TBC1D30: variants seen among roughly 807,000 people sequenced by gnomAD.
TBC1D30 encodes TBC1 domain family, member 30.
TBC1D30 carries 31 observed loss-of-function variants against 63.2 expected under a neutral mutation model. That is an observed-to-expected ratio of 0.49 (90% CI 0.37 to 0.66). The LOEUF is 0.66. Ranked by LOEUF, TBC1D30 falls within the 30% of genes least tolerant of loss-of-function variation. TBC1D30 has a pLI of 0.00. For missense variants in TBC1D30, 810 were observed against 953.6 expected (o/e 0.85, Z 1.98); for synonymous variants, 307 against 361.5 (o/e 0.85, Z 1.71).
chr12:64,867,846 C>T (rs1308078986), intron 10 of TBC1D30: 1 of 152,178 alleles, frequency 6.6e-6, no homozygotes. Context: ...GAGATAACTT[C>T]CACCTACCCG....
At chr12:64,767,826 A>T (rs937030717) in intron 1 of TBC1D30, among the ~76,000 whole-genome samples, 1 of 148,900 alleles carries the variant, frequency 6.7e-6, no homozygotes, top group Non-Finnish European at 1.5e-5. Flanking sequence ...GCTCTATGAA[A>T]ATTTAGAAAC....
chr12:64,872,186 C>T (rs567881524), intron 11 of TBC1D30, among the ~76,000 whole-genome samples: 1 of 152,264 alleles, frequency 6.6e-6, no homozygotes, highest in Admixed American at 6.5e-5. Context: ...CACCACCATG[C>T]CTGGCTGATT....
intron 2 of TBC1D30, among the ~76,000 whole-genome samples, chr12:64,801,311 A>T (rs1482735327): frequency 6.6e-6 from 1 of 152,162 alleles, no homozygotes; most frequent in Non-Finnish European, 1.5e-5. Context: ...AGGTTGGATC[A>T]AAGTTTGTGT....
At chr12:64,847,969 G>T (rs200709523) in intron 8 of TBC1D30, among the ~76,000 whole-genome samples, 1 of 149,914 alleles carries the variant, frequency 6.7e-6, no homozygotes, top group African/African-American at 2.5e-5. Flanking sequence ...GTCCAATGCC[G>T]AAAGTAGGGT....
chr12:64,781,652 C>T (rs1366546087), intron 1 of TBC1D30, among the ~76,000 whole-genome samples: 1 of 151,128 alleles, frequency 6.6e-6, no homozygotes, highest in Non-Finnish European at 1.5e-5. Flanking sequence ...ACCTAGAGGG[C>T]GCCGCCAGAA....
chr12:64,776,176 G>A (rs1438102970), upstream of TBC1D30, among the ~76,000 whole-genome samples: 2 of 152,018 alleles, frequency 1.3e-5, no homozygotes, highest in Non-Finnish European at 2.9e-5. Context: ...CAGATCTCAA[G>A]TTAACAACCT....
chr12:64,842,622 A>G (rs1490358281), intron 7 of TBC1D30, among the ~76,000 whole-genome samples: 1 of 152,258 alleles, frequency 6.6e-6, no homozygotes, highest in African/African-American at 2.4e-5. Context: ...ATATGCAGAT[A>G]CAGTTCTTGT....
chr12:64,793,753 C>T (rs1224446343), intron 2 of TBC1D30, among the ~76,000 whole-genome samples: 1 of 152,140 alleles, frequency 6.6e-6, no homozygotes, highest in African/African-American at 2.4e-5. Flanking sequence ...GAAAGATGGT[C>T]CGGCAGCAGG....
chr12:64,769,471 G>A (rs1430705636), intron 1 of TBC1D30, among the ~76,000 whole-genome samples: 8 of 151,444 alleles, frequency 5.3e-5, no homozygotes, highest in Non-Finnish European at 7.4e-5. Context: ...TCCACCTCCC[G>A]GATTCAAGCA....
chr12:64,869,769 T>C (rs1224596555), intron 10 of TBC1D30, among the ~76,000 whole-genome samples: 1 of 152,204 alleles, frequency 6.6e-6, no homozygotes, highest in Non-Finnish European at 1.5e-5. Flanking sequence ...ACAGAAATGA[T>C]TACAGTAAAA....
Position 64,879,552 on chromosome 12 carries a change from G to A in TBC1D30, c.*3764G>A, listed in dbSNP as rs1454398078. 6.6e-6 allele frequency: 1 copy of A among 152,190 alleles called. No individual in the cohort carries two copies. Among genetic ancestry groups the A allele is most frequent in the Non-Finnish European group, 1.5e-5 (1 of 68,024 alleles). The allele number at this position is 152,190 out of a possible 1,614,324, so 9.4% of individuals were successfully genotyped here. ...GCCTGCTTCTCTACATCCTGGAAGAGGCAGCAGTCTCTTTCCTTTTTTTTC... is the reference window on the plus strand; with the variant it reads ...GCCTGCTTCTCTACATCCTGGAAGAAGCAGCAGTCTCTTTCCTTTTTTTTC... On this transcript the variant is annotated 3_prime_UTR_variant, in exon 12 of 12. Transcript: ENST00000539867.
At chr12:64,873,572 C>T (rs1878821044) in intron 11 of TBC1D30, among the ~76,000 whole-genome samples, 1 of 151,906 alleles carries the variant, frequency 6.6e-6, no homozygotes, top group African/African-American at 2.4e-5. Context: ...TGTGAGGAGC[C>T]TGAGGAACAA....
At chr12:64,856,866 GCCA>G (rs1877347600) in intron 8 of TBC1D30, among the ~76,000 whole-genome samples, 2 of 152,216 alleles carry the variant, frequency 1.3e-5, no homozygotes, top group African/African-American at 4.8e-5. Flanking sequence ...TCTACCTGTG[GCCA>G]CCACCACCAC....
intron 2 of TBC1D30, among the ~76,000 whole-genome samples, chr12:64,815,514 T>G (rs1416842338): frequency 2.0e-5 from 3 of 152,212 alleles, no homozygotes; most frequent in Non-Finnish European, 4.4e-5. Flanking sequence ...AATTAAACTT[T>G]AAATTTATTG....
chr12:64,780,760 C>G, exon 1 of TBC1D30: 1 of 988,054 alleles, frequency 1.0e-6, no homozygotes, highest in Non-Finnish European at 1.2e-6. Flanking sequence ...TGGCCGGCGC[C>G]GCGAGGCGGG....
chr12:64,790,557 A>T (rs1350247159), intron 2 of TBC1D30, among the ~76,000 whole-genome samples: 2 of 152,214 alleles, frequency 1.3e-5, no homozygotes, highest in East Asian at 3.8e-4. Context: ...AAACTGAAAA[A>T]AAACATGAAC....
intron 2 of TBC1D30, among the ~76,000 whole-genome samples, chr12:64,815,691 A>G (rs989629056): frequency 2.0e-5 from 3 of 152,200 alleles, no homozygotes; most frequent in Non-Finnish European, 1.5e-5. Flanking sequence ...CATATTTCAG[A>G]TGATGACTTG....
chr12:64,862,673 T>G (rs1877890579), intron 8 of TBC1D30, among the ~76,000 whole-genome samples: 1 of 152,230 alleles, frequency 6.6e-6, no homozygotes, highest in African/African-American at 2.4e-5. Flanking sequence ...TCCTACTTAT[T>G]GTCTTTAATA....
Position 64,875,067 on chromosome 12 carries a change from T to C in TBC1D30, c.1565T>C (p.Leu522Pro). Residue 522 changes from leucine to proline, a missense_variant, in exon 12 of 12, where the codon CTT becomes CCT. By Grantham distance (98) the Leu-to-Pro change is moderately conservative (BLOSUM62 -3). Transcript: ENST00000539867. ...VNSSPVINHL[L>P]LGKKMKMTNR... ...AGTTCTCCAGTTATAAACCACCTTCTTTTAGGAAAGAAGATGAAAATGACT... is the reference window on the plus strand; with the variant it reads ...AGTTCTCCAGTTATAAACCACCTTCCTTTAGGAAAGAAGATGAAAATGACT... The C allele has an allele frequency of 6.5e-7, 1 of 1,536,690 alleles. No homozygotes were observed.
Sources: gnomAD v4.1 joint callset for allele counts (sites outside exome capture counted in the v4.1 genomes callset) on GRCh38, gnomAD v4.1.1 for gene constraint, MANE v1.5 for transcripts, NCBI Gene and HGNC (gene_info 2026-07-23, HGNC 2026-07-21) for gene names.